A2ML1: variants seen among roughly 807,000 people sequenced by gnomAD.
A2ML1 encodes alpha-2-macroglobulin like 1.
Under a neutral mutation model 181.9 loss-of-function variants are expected in A2ML1, and 161 were observed. The observed-to-expected ratio is 0.89, with a 90% CI of 0.78 to 1.01. The LOEUF (loss-of-function observed/expected upper bound fraction) is 1.01, where lower values mean the gene tolerates loss of function less well. Among genes scored for constraint, A2ML1 ranks in the 50% least tolerant of loss-of-function variants. The probability of loss-of-function intolerance (pLI) is 0.00; values close to 1 mark genes in which losing one functional copy is unlikely to be tolerated. For synonymous variants in A2ML1, 663 were observed against 666.8 expected, an observed-to-expected ratio of 0.99 and a Z score of 0.09; for missense variants, 1,670 against 1,768.1, an observed-to-expected ratio of 0.94 and a Z score of 1.00.
chr12:8,822,756 TCTTCGCCTA>T, intron 1 of A2ML1, 43 bp downstream of exon 1: 1 of 1,584,182 alleles, frequency 6.3e-7, no homozygotes, highest in Non-Finnish European at 8.7e-7. Context: ...GGCAGCGGCT[TCTTCGCCTA>T]ACTTTCTCAA....
At position 8,857,599 on chromosome 12, in the gene A2ML1, C is replaced by T. The variant is rs377618430; in HGVS notation, c.3107+11C>T. ...AAATGGAAACACATGGTAATATCAC[C>T]CAATTCCCAATGAGTTCTGTACTCC... On this transcript the variant is annotated intron_variant, in intron 25 of 35. Transcript: ENST00000299698. 6.2e-6 allele frequency: 10 copies of T among 1,606,166 alleles called. No homozygotes were observed. The Admixed American group carries it at 1.7e-4, about 27-fold the overall frequency.
At chr12:8,834,966 G>T in intron 5 of A2ML1, 1 of 471,714 alleles carries the variant, frequency 2.1e-6, no homozygotes. Context: ...ACTTAACCAG[G>T]CTTGGTTCCA....
intron 11 of A2ML1, among the ~76,000 whole-genome samples, 184 bp from the exon 12 acceptor site, chr12:8,842,950 G>A (rs1943540244): frequency 6.6e-6 from 1 of 152,068 alleles, no homozygotes; most frequent in Admixed American, 6.5e-5. Flanking sequence ...AAATATTGCT[G>A]TACACAGCTA....
At chr12:8,843,400 G>A (rs750900322) in intron 12 of A2ML1, 39 bp downstream of exon 12, 9 of 1,588,000 alleles carry the variant, frequency 5.7e-6, no homozygotes, top group Non-Finnish European at 7.8e-6. Context: ...AGTATGCTGG[G>A]AAGGAAAGAG....
At chr12:8,850,049 G>C in intron 17 of A2ML1, 111 bp from the exon 18 acceptor site, 1 of 838,776 alleles carries the variant, frequency 1.2e-6, no homozygotes, top group South Asian at 1.7e-5. Flanking sequence ...CCTCTGACTG[G>C]ATGTTCTCTG....
rs1358049145 is a variant in A2ML1 at position 8,848,526 on chromosome 12, A to G, written c.1834-194A>G. On this transcript the variant is annotated intron_variant, in intron 15 of 35. Transcript: ENST00000299698. ...AACGAAATAGGGGATAGGATTATGA[A>G]AAAATAGGTGAGATAGAGGTTAAAG... is the stretch of plus-strand genomic sequence containing the variant. Among the ~76,000 whole-genome samples the G allele has an allele frequency of 2.0e-5, 3 of 152,252 alleles. No individual in the cohort carries two copies. In the East Asian group the frequency reaches 5.8e-4, roughly 29 times the overall value.
intron 9 of A2ML1, among the ~76,000 whole-genome samples, 182 bp from the exon 10 acceptor site, chr12:8,838,931 A>AG (rs1459299392): frequency 2.6e-5 from 4 of 151,668 alleles, no homozygotes; most frequent in African/African-American, 9.7e-5. Context: ...AAAAAAAAAA[A>AG]AAAAAGAAGA....
rs142445738 is a variant in A2ML1, at chr12:8,866,024, G to A, written c.3718-1818G>A. Among the ~76,000 whole-genome samples the A allele has an allele frequency of 4.3e-3, 650 of 152,146 alleles. 6 individuals are homozygous for A. The highest frequency in any genetic ancestry group is 0.015 in the African/African-American group (627 of 41,526). ...TGCATGTTTGGTAAAAATGTTAAAA[G>A]CACCAAGTTTAGGCCAGGTGTGGTG... On this transcript the variant is annotated intron_variant, in intron 29 of 35. Transcript: ENST00000299698.
chr12:8,861,375 T>C, intron 28 of A2ML1, 78 bp downstream of exon 28: 1 of 1,479,558 alleles, frequency 6.8e-7, no homozygotes, highest in South Asian at 1.2e-5. Flanking sequence ...TAGTAACCTC[T>C]GTCCCACACA....
At chr12:8,843,995 C>G (rs1943582084) in intron 12 of A2ML1, among the ~76,000 whole-genome samples, 1 of 152,110 alleles carries the variant, frequency 6.6e-6, no homozygotes, top group Admixed American at 6.5e-5. Context: ...GCTGGGATTA[C>G]AGGCATGAGC....
chr12:8,822,829 C>G (rs1942787440), intron 1 of A2ML1, 116 bp downstream of exon 1: 1 of 927,266 alleles, frequency 1.1e-6, no homozygotes, highest in African/African-American at 1.6e-5. Flanking sequence ...TTTCCTCCTC[C>G]TTTTTTCTCT....
At chr12:8,845,861 AAAATAAATAAAATAAAATAAAAT>A (rs1300005544) in intron 13 of A2ML1, among the ~76,000 whole-genome samples, 193 bp from the exon 14 acceptor site, 1 of 87,284 alleles carries the variant, frequency 1.1e-5, no homozygotes, top group Non-Finnish European at 2.4e-5. Flanking sequence ...AAAAAAAAAA[AAAATAAATAAAATAAAATAAAAT>A]AAAATAAAAA....
At chr12:8,875,139 G>A in intron 35 of A2ML1, 127 bp downstream of exon 35, 1 of 979,720 alleles carries the variant, frequency 1.0e-6, no homozygotes, top group South Asian at 1.6e-5. Flanking sequence ...CAGGCTGGAG[G>A]GCAGTGGCGG....
At chr12:8,853,203 G>A (rs771452947) in intron 20 of A2ML1, among the ~76,000 whole-genome samples, 1 of 151,614 alleles carries the variant, frequency 6.6e-6, no homozygotes, top group Non-Finnish European at 1.5e-5. Flanking sequence ...TGTTGCCCAG[G>A]CTGTTCTCAA....
intron 26 of A2ML1, among the ~76,000 whole-genome samples, chr12:8,860,244 G>C (rs1345355761): frequency 1.3e-5 from 2 of 151,920 alleles, no homozygotes; most frequent in East Asian, 3.9e-4. Context: ...GGGTTTTACC[G>C]TGTTGCCCAG....
At chr12:8,842,471 G>A (rs1320612072) in intron 11 of A2ML1, among the ~76,000 whole-genome samples, 1 of 152,082 alleles carries the variant, frequency 6.6e-6, no homozygotes, top group East Asian at 1.9e-4. Context: ...CGCCCGCCTT[G>A]GCCTCCCAAA....
downstream of A2ML1, among the ~76,000 whole-genome samples, chr12:8,877,026 G>A (rs145746290): frequency 2.3e-4 from 35 of 152,236 alleles, no homozygotes; most frequent in East Asian, 6.8e-3. Flanking sequence ...AAAGTGGCTG[G>A]CCAGAATGCC....
downstream of A2ML1, among the ~76,000 whole-genome samples, chr12:8,878,459 A>G (rs1228012237): frequency 6.6e-6 from 1 of 152,222 alleles, no homozygotes; most frequent in African/African-American, 2.4e-5. This position sits in a 1 kb window ranked among gnomAD's most constrained non-coding sequence, Gnocchi z 4.4. Flanking sequence ...TTGTACACAT[A>G]GACACAAAGA....
chr12:8,847,775 G>T lies in A2ML1; in HGVS notation c.1833+77G>T. On this transcript the variant is annotated intron_variant, in intron 15 of 35. Coordinates refer to ENST00000299698, the MANE Select transcript of A2ML1 (RefSeq NM_144670.6). ...AATTAAGAGGTAGGTTTCAGGCAGG[G>T]GAGAGAAAGTCTTAGGGAAATAATG... The T allele has an allele frequency of 2.0e-6, 3 of 1,527,466 alleles. No homozygotes were observed. The East Asian group carries it at 7.0e-5, about 35-fold the overall frequency. 94.6% of individuals were successfully genotyped at this position (1,527,466 alleles called of 1,614,324 possible). A position where few individuals can be genotyped will look rare whatever the true frequency, so the allele number is the denominator to read the frequency against.
Sources: allele counts gnomAD v4.1 joint callset (sites outside exome capture counted in the v4.1 genomes callset), GRCh38; gene constraint gnomAD v4.1.1; non-coding constraint Gnocchi (gnomAD v3.1); transcripts MANE v1.5; gene names NCBI Gene and HGNC (gene_info 2026-07-23, HGNC 2026-07-21).